The following STARD9 variants were observed in gnomAD, a reference collection of about 807,000 sequenced individuals.
STARD9 encodes stAR-related lipid transfer protein 9.
A neutral mutation model predicts 399.8 loss-of-function variants in STARD9; 346 were observed. That is an observed-to-expected ratio of 0.87 (90% CI 0.79 to 0.95). The LOEUF (loss-of-function observed/expected upper bound fraction) is 0.95, where lower values mean the gene tolerates loss of function less well. STARD9 is among the 40% of genes least tolerant of loss of function. STARD9 has a pLI of 0.00. For missense variants in STARD9, 5,832 were observed against 5,667.5 expected (o/e 1.03, Z -0.93); for synonymous variants, 2,203 against 2,143.5 (o/e 1.03, Z -0.77).
chr15:42,643,619 CTA>C (rs527501558), intron 7 of STARD9, among the ~76,000 whole-genome samples: 22,601 of 151,956 alleles, frequency 0.15, 4,752 homozygotes, highest in African/African-American at 0.47. Context: ...GCTGAGGCAG[CTA>C]GTCCTGACTA....
chr15:42,695,346 G>A lies in STARD9; in HGVS notation c.13146+23G>A, dbSNP rs777014145. On this transcript the variant is annotated intron_variant, in intron 25 of 32. Transcript: ENST00000290607. Reference sequence around the variant, plus strand: ...AAGGTGTGGAGTGGGGCATGCCTCTGATTTCAGGATAGGCCTGGACCTCAG... The same window carrying A: ...AAGGTGTGGAGTGGGGCATGCCTCTAATTTCAGGATAGGCCTGGACCTCAG... The A allele has an allele frequency of 6.0e-6, 9 of 1,511,672 alleles. No homozygotes were observed. The African/African-American group carries it at 9.6e-5, about 16-fold the overall frequency. The allele number at this position is 1,511,672 out of a possible 1,614,324, so 93.6% of individuals were successfully genotyped here. A position where few individuals can be genotyped will look rare whatever the true frequency, so the allele number is the denominator to read the frequency against.
At position 42,669,482 on chromosome 15, in the gene STARD9, C is replaced by G; in HGVS notation, c.1497+145C>G. The stretch of plus-strand genomic sequence containing the variant: ...TGCCTTCAGGTTTGCTCTCAGGAAA[C>G]GTCTACCTGACAAATTGTGATCTGT... On this transcript the variant is annotated intron_variant, in intron 16 of 32. Coordinates refer to ENST00000290607, the MANE Select transcript of STARD9 (RefSeq NM_020759.3). 12 of 634,714 alleles carry G rather than the reference C, an allele frequency of 1.9e-5. No homozygotes were observed. The South Asian group carries it at 3.6e-4, about 19-fold the overall frequency. 39.3% of individuals were successfully genotyped at this position (634,714 alleles called of 1,614,324 possible). A position where few individuals can be genotyped will look rare whatever the true frequency, so the allele number is the denominator to read the frequency against.
rs2061394899 is a variant in STARD9, at chr15:42,718,596, C to T, written c.13842+82C>T. 9.6e-6 allele frequency: 14 copies of T among 1,456,924 alleles called. No individual in the cohort carries two copies. The South Asian group carries it at 1.7e-4, about 18-fold the overall frequency. 90.2% of individuals were successfully genotyped at this position (1,456,924 alleles called of 1,614,324 possible). A position where few individuals can be genotyped will look rare whatever the true frequency, so the allele number is the denominator to read the frequency against. ...GAAACAATCTATGTGGGCCTCAGGT[C>T]CTCTAGGGGAAGGAGGGCAAATTGG... On this transcript the variant is annotated intron_variant, in intron 31 of 32. Transcript: ENST00000290607.
intron 1 of STARD9, among the ~76,000 whole-genome samples, chr15:42,579,481 TAAGAG>T (rs2058124289): frequency 6.6e-6 from 1 of 152,162 alleles, no homozygotes; most frequent in African/African-American, 2.4e-5. Flanking sequence ...ACTTCTCAGA[TAAGAG>T]GAGTGACAGA....
At chr15:42,707,544 A>G (rs1595817061) in intron 26 of STARD9, among the ~76,000 whole-genome samples, 1 of 145,178 alleles carries the variant, frequency 6.9e-6, no homozygotes, top group South Asian at 2.1e-4. Context: ...ATCTCGGCTC[A>G]CTCCAGCCTC....
At chr15:42,695,705 G>T in intron 25 of STARD9, 38 bp from the exon 26 acceptor site, 1 of 1,523,872 alleles carries the variant, frequency 6.6e-7, no homozygotes, top group Non-Finnish European at 8.8e-7. Context: ...AAGTGAGGGT[G>T]CATCAGAAGC....
chr15:42,699,392 C>CTTTTTTTTTTTTTTTTTTTTTTTTTTTTT lies in STARD9; in HGVS notation c.13284+3532_13284+3533insTTTTTTTTTTTTTTTTTTTTTTTTTTTTT, dbSNP rs34614271. On this transcript the variant is annotated intron_variant, in intron 26 of 32. Transcript: ENST00000290607. ...TCTATGAGATCAACTTTTTTCTTTT[C>CTTTTTTTTTTTTTTTTTTTTTTTTTTTTT]TTTTTTTTTTTTTTTTTTTTGAGAT... Among the ~76,000 whole-genome samples, 32 of 113,294 alleles carry CTTTTTTTTTTTTTTTTTTTTTTTTTTTTT rather than the reference C, an allele frequency of 2.8e-4. 3 individuals are homozygous for CTTTTTTTTTTTTTTTTTTTTTTTTTTTTT. Among genetic ancestry groups the CTTTTTTTTTTTTTTTTTTTTTTTTTTTTT allele is most frequent in the African/African-American group, 1.3e-3 (31 of 24,554 alleles). The allele number at this position is 113,294 out of a possible 152,430, so 74.3% of individuals were successfully genotyped here.
At chr15:42,643,980 G>A (rs969624132) in intron 7 of STARD9, among the ~76,000 whole-genome samples, 5 of 152,064 alleles carry the variant, frequency 3.3e-5, no homozygotes, top group Admixed American at 6.6e-5. Context: ...TAGTTTAATA[G>A]TATTGAGTTC....
At chr15:42,642,730 A>C (rs2059565772) in intron 7 of STARD9, among the ~76,000 whole-genome samples, 1 of 152,208 alleles carries the variant, frequency 6.6e-6, no homozygotes, top group Non-Finnish European at 1.5e-5. Context: ...ATATATTTGC[A>C]ATAGTGATTG....
intron 4 of STARD9, among the ~76,000 whole-genome samples, chr15:42,636,541 A>G (rs1280517932): frequency 1.3e-5 from 2 of 152,116 alleles, no homozygotes; most frequent in African/African-American, 2.4e-5. Flanking sequence ...AGATTGTGCC[A>G]TTGCACTCCA....
chr15:42,616,947 A>G (rs2058975979), intron 3 of STARD9, among the ~76,000 whole-genome samples: 1 of 152,098 alleles, frequency 6.6e-6, no homozygotes, highest in South Asian at 2.1e-4. Context: ...TAACTACTTC[A>G]TAAATGTATT....
At chr15:42,681,328 C>A in intron 20 of STARD9, 94 bp from the exon 21 acceptor site, 1 of 1,282,416 alleles carries the variant, frequency 7.8e-7, no homozygotes, top group Non-Finnish European at 1.0e-6. Flanking sequence ...CTGTTGATTG[C>A]AGGGGCTCTC....
In STARD9 at chr15:42,662,877, T is replaced by A. The variant is rs1269704559; in HGVS notation, c.854T>A (p.Val285Asp). The stretch of plus-strand genomic sequence containing the variant: ...AAGTCCCTTGTGACTCTAGGAATTG[T>A]CATCTCCACCTTAGGTATTTTCTGA... Reference protein sequence around the residue: ...INKSLVTLGIVISTLAQNSQV... With the variant: ...INKSLVTLGIDISTLAQNSQV... Residue 285 changes from valine (V) to aspartate (D), a missense_variant, in exon 11 of 33, where the codon GTC becomes GAC. By Grantham distance (152) the Val-to-Asp change is radical (BLOSUM62 -3). Transcript: ENST00000290607. 1 of 1,535,704 alleles carries A rather than the reference T, an allele frequency of 6.5e-7. No homozygotes were observed. The highest frequency in any genetic ancestry group is 2.4e-5 in the East Asian group (1 of 40,904).
At chr15:42,695,641 T>A in intron 25 of STARD9, 102 bp from the exon 26 acceptor site, 1 of 1,345,258 alleles carries the variant, frequency 7.4e-7, no homozygotes, top group Non-Finnish European at 1.0e-6. Flanking sequence ...GAAGGAGCAG[T>A]AGAGGTGAGC....
chr15:42,688,826 G>C lies in STARD9; in HGVS notation c.7248G>C (p.Met2416Ile). Residue 2416 changes from methionine (M) to isoleucine (I), a missense_variant, in exon 23 of 33, where the codon ATG becomes ATC. Physicochemically the swap from Met to Ile is conservative, Grantham distance 10. Around this residue, in one of 2 missense-constraint regions of STARD9, gnomAD observed 5,828 missense variants for 5,651.1 expected, o/e 1.03. Transcript: ENST00000290607. ...GTGGGTCTGTGCGATCCATGGCCATGGGATCTCATAGTCAATCTGGTGTAC... is the reference window on the plus strand; with the variant it reads ...GTGGGTCTGTGCGATCCATGGCCATCGGATCTCATAGTCAATCTGGTGTAC... ...AWCGSVRSMA[M>I]GSHSQSGVPE... The C allele has an allele frequency of 6.5e-7, 1 of 1,537,304 alleles. No homozygotes were observed. Among genetic ancestry groups the C allele is most frequent in the Admixed American group, 2.0e-5 (1 of 50,998 alleles).
chr15:42,699,009 CT>C (rs2140324955), intron 26 of STARD9, among the ~76,000 whole-genome samples: 2 of 64,424 alleles, frequency 3.1e-5, no homozygotes, highest in East Asian at 8.8e-4. Context: ...CCAGAGTATT[CT>C]TTCTTGTTTA....
At chr15:42,613,212 CTTTCCTTTTTT>C (rs919876437) in intron 3 of STARD9, among the ~76,000 whole-genome samples, 40 of 151,984 alleles carry the variant, frequency 2.6e-4, no homozygotes, top group African/African-American at 9.4e-4. Flanking sequence ...TTTTCTTTTT[CTTTCCTTTTTT>C]TGTTTTTTAA....
chr15:42,706,665 G>A lies in STARD9; in HGVS notation c.13285-10012G>A, dbSNP rs139879027. On this transcript the variant is annotated intron_variant, in intron 26 of 32. Coordinates refer to ENST00000290607, the MANE Select transcript of STARD9 (RefSeq NM_020759.3). ...GGGTTTCACCATGCTGGCCAGGCTC[G>A]TCTCGAACCCCTGACCTCAGGTGAT... Among the ~76,000 whole-genome samples, 845 of 151,988 alleles carry A rather than the reference G, an allele frequency of 5.6e-3. 8 individuals carry two copies. Among genetic ancestry groups the A allele is most frequent in the African/African-American group, 0.019 (806 of 41,440 alleles).
intron 5 of STARD9, 41 bp from the exon 6 acceptor site, chr15:42,637,985 A>G: frequency 6.5e-7 from 1 of 1,537,180 alleles, no homozygotes; most frequent in Non-Finnish European, 8.7e-7. Context: ...AGGTCTCTCT[A>G]CAATTCCTAC....
Sources: allele counts gnomAD v4.1 joint callset (sites outside exome capture counted in the v4.1 genomes callset), GRCh38; gene constraint gnomAD v4.1.1; regional missense constraint gnomAD v4.1.1; transcripts MANE v1.5; gene names NCBI Gene and HGNC (gene_info 2026-07-23, HGNC 2026-07-21).